Variants in LRRC32 observed in about 807,000 individuals in gnomAD.
LRRC32 encodes the protein transforming growth factor beta activator LRRC32.
A neutral mutation model predicts 15.0 loss-of-function variants in LRRC32; 5 were observed. That is an observed-to-expected ratio of 0.33 (90% CI 0.17 to 0.70). The LOEUF (loss-of-function observed/expected upper bound fraction) is 0.70, where lower values mean the gene tolerates loss of function less well. Ranked by LOEUF, LRRC32 falls within the 30% of genes least tolerant of loss-of-function variation. The pLI, the probability that LRRC32 is intolerant of heterozygous loss-of-function variation, is 0.66. For synonymous variants in LRRC32, 391 were observed against 403.9 expected, an observed-to-expected ratio of 0.97 and a Z score of 0.38; for missense variants, 803 against 854.2, an observed-to-expected ratio of 0.94 and a Z score of 0.75.
rs1029022897 is a variant in LRRC32 at position 76,658,462 on chromosome 11, T to C, written c.*1142A>G. 2.0e-5 allele frequency: 3 copies of C among 152,378 alleles called. No individual in the cohort carries two copies. The highest frequency in any genetic ancestry group is 4.4e-5 in the Non-Finnish European group (3 of 68,130). The allele number at this position is 152,378 out of a possible 1,614,324, so 9.4% of individuals were successfully genotyped here. ...GAGAGCAGGTGTGCACAGCACAGGA[T>C]GCTTCCAGACCCTGCTCGGGCTATG... On this transcript the variant is annotated 3_prime_UTR_variant, in exon 3 of 3. Transcript: ENST00000260061.
chr11:76,669,948 C>A (rs926785307), intron 1 of LRRC32: 1 of 152,482 alleles, frequency 6.6e-6, no homozygotes, highest in African/African-American at 2.4e-5. Context: ...TCCCTCCTCT[C>A]GGCCTCAGCT....
chr11:76,661,265 C>A lies in LRRC32; in HGVS notation c.328G>T (p.Ala110Ser). ...EHLSLAHNRL[A>S]MATALSAGGL... ...CCAGCACTCAGCGCAGTGGCCATCG[C>A]CAGCCGGTTGTGAGCCAGGCTGAGG... The change falls in exon 3 of 3, where the codon GCG becomes TCG. Residue 110 changes from alanine to serine, a missense_variant. Physicochemically the swap from Ala to Ser is moderately conservative, Grantham distance 99 (BLOSUM62 1). Coordinates refer to ENST00000260061, the MANE Select transcript of LRRC32 (RefSeq NM_001128922.2). 6.2e-7 allele frequency: 1 copy of A among 1,614,098 alleles called. No homozygotes were observed. Among genetic ancestry groups the A allele is most frequent in the Admixed American group, 1.7e-5 (1 of 60,032 alleles).
intron 2 of LRRC32, among the ~76,000 whole-genome samples, chr11:76,665,542 C>A (rs1159168573): frequency 1.3e-5 from 2 of 152,180 alleles, no homozygotes; most frequent in African/African-American, 4.8e-5. Context: ...TCTAGATCCC[C>A]TAGCTGGGCC....
rs550989761 is a variant in LRRC32, at chr11:76,661,648, C to A, written c.85-140G>T. 5 of 1,391,408 alleles carry A rather than the reference C, an allele frequency of 3.6e-6. No homozygotes were observed. In the African/African-American group the frequency reaches 5.8e-5, roughly 16 times the overall value. The allele number at this position is 1,391,408 out of a possible 1,614,324, so 86.2% of individuals were successfully genotyped here. Reference sequence around the variant, plus strand: ...CCCAGAATGCTCAACTTTCCCCCACCGCAGCCTGATCACCCCATGCCTGGA... The same window carrying A: ...CCCAGAATGCTCAACTTTCCCCCACAGCAGCCTGATCACCCCATGCCTGGA... On this transcript the variant is annotated intron_variant, in intron 2 of 2. Coordinates refer to ENST00000260061, the MANE Select transcript of LRRC32 (RefSeq NM_001128922.2).
At position 76,661,236 on chromosome 11, in the gene LRRC32, G is replaced by A. The variant is rs149590197; in HGVS notation, c.357C>T (p.Gly119=). 102 of 1,613,796 alleles carry A rather than the reference G, an allele frequency of 6.3e-5. No homozygotes were observed. Among genetic ancestry groups the A allele is most frequent in the Non-Finnish European group, 8.3e-5 (98 of 1,179,934 alleles). Residue 119 remains glycine, a synonymous_variant, in exon 3 of 3, where the codon GGC becomes GGT. Transcript: ENST00000260061. ...AGGTCACGCGTGGCAGGGGGCCCAG[G>A]CCACCAGCACTCAGCGCAGTGGCCA... The part of the protein sequence containing the change: ...LAMATALSAG[G]LGPLPRVTSL...
chr11:76,662,127 T>C (rs1952546351), intron 2 of LRRC32, among the ~76,000 whole-genome samples: 1 of 152,160 alleles, frequency 6.6e-6, no homozygotes, highest in South Asian at 2.1e-4. Flanking sequence ...GCCTTCCTTG[T>C]GGATGCTTCC....
At chr11:76,669,521 A>G (rs966234872) in intron 1 of LRRC32, among the ~76,000 whole-genome samples, 1 of 152,132 alleles carries the variant, frequency 6.6e-6, no homozygotes, top group African/African-American at 2.4e-5. Flanking sequence ...TTTAATTCTC[A>G]CAATCACCTA....
At position 76,670,604 on chromosome 11, in the gene LRRC32, C is replaced by G. The variant is rs1046259400; in HGVS notation, c.-5+10G>C. 2 of 152,116 alleles carry G rather than the reference C, an allele frequency of 1.3e-5. No homozygotes were observed. Among genetic ancestry groups the G allele is most frequent in the African/African-American group, 2.4e-5 (1 of 41,426 alleles). The allele number at this position is 152,116 out of a possible 1,614,324, so 9.4% of individuals were successfully genotyped here. On this transcript the variant is annotated intron_variant, in intron 1 of 2. Coordinates refer to ENST00000260061, the MANE Select transcript of LRRC32 (RefSeq NM_001128922.2). Reference sequence around the variant, plus strand: ...GGGCCGGCCAGCCTCGCCTGCCCGGCGGCTCCTACCTGGCTCAGCGCGGCC... The same window carrying G: ...GGGCCGGCCAGCCTCGCCTGCCCGGGGGCTCCTACCTGGCTCAGCGCGGCC...
intron 2 of LRRC32, chr11:76,663,735 C>T (rs1952577929): frequency 1.3e-5 from 2 of 152,348 alleles, no homozygotes; most frequent in Admixed American, 6.5e-5. Flanking sequence ...TCCTCACAGC[C>T]CTTACCCCCT....
intron 1 of LRRC32, among the ~76,000 whole-genome samples, chr11:76,667,987 A>G (rs903100722): frequency 6.6e-6 from 1 of 152,188 alleles, no homozygotes; most frequent in East Asian, 1.9e-4. Context: ...GTCCTCCCAG[A>G]GCCCCTGAGC....
chr11:76,661,343 C>A lies in LRRC32; in HGVS notation c.250G>T (p.Glu84Ter). ...GCTCCTGGCTGGAGGAAGCTGATCT[C>A]ATTGGTGCTCAGGTCCAGGTGACGA... ...ALRHLDLSTN[E>*]ISFLQPGAFQ... Residue 84 changes from glutamate to a stop codon, truncating the protein, a stop_gained, in exon 3 of 3, where the codon GAG (glutamate) becomes TAG (stop). Transcript: ENST00000260061. LOFTEE classifies it low-confidence loss of function (END_TRUNC). 6.2e-7 allele frequency: 1 copy of A among 1,614,186 alleles called. No homozygotes were observed. Among genetic ancestry groups the A allele is most frequent in the Non-Finnish European group, 8.5e-7 (1 of 1,180,006 alleles).
At chr11:76,668,232 C>CT (rs1952656638) in intron 1 of LRRC32, among the ~76,000 whole-genome samples, 8 of 152,180 alleles carry the variant, frequency 5.3e-5, no homozygotes, top group Non-Finnish European at 1.2e-4. Flanking sequence ...CCCATCCATG[C>CT]CGTCAGTGGG....
Position 76,660,281 on chromosome 11 carries a change from C to T in LRRC32, c.1312G>A (p.Ala438Thr), listed in dbSNP as rs1952492714. Reference sequence around the variant, plus strand: ...CGGAGGGAGGTGATGCCGGAGAAGGCCACACAGCCGGAGGGGCCAGGCTCA... The same window carrying T: ...CGGAGGGAGGTGATGCCGGAGAAGGTCACACAGCCGGAGGGGCCAGGCTCA... ...PDEPGPSGCV[A>T]FSGITSLRSL... is the part of the protein sequence containing the mutation. Residue 438 changes from alanine to threonine, a missense_variant, in exon 3 of 3, where the codon GCC becomes ACC. Ala to Thr is a moderately conservative substitution (Grantham distance 58). Coordinates refer to ENST00000260061, the MANE Select transcript of LRRC32 (RefSeq NM_001128922.2). The T allele has an allele frequency of 7.6e-6, 12 of 1,580,520 alleles. No individual in the cohort carries two copies. The highest frequency in any genetic ancestry group is 9.4e-6 in the Non-Finnish European group (11 of 1,165,466).
chr11:76,670,417 CG>C (rs1401287506), intron 1 of LRRC32, among the ~76,000 whole-genome samples, 196 bp downstream of exon 1: 2 of 152,210 alleles, frequency 1.3e-5, no homozygotes, highest in African/African-American at 4.8e-5. Context: ...GGGAAAGATC[CG>C]CCAAGACAGG....
At chr11:76,661,603 G>A in intron 2 of LRRC32, 95 bp from the exon 3 acceptor site, 1 of 1,457,388 alleles carries the variant, frequency 6.9e-7, no homozygotes, top group Non-Finnish European at 9.0e-7. Flanking sequence ...CCTGGCTGGG[G>A]AACCCTTCTC....
chr11:76,658,595 GC>G lies in LRRC32; in HGVS notation c.*1008del, dbSNP rs1590761190. The G allele has an allele frequency of 6.6e-6, 1 of 152,442 alleles. No homozygotes were observed. Among genetic ancestry groups the G allele is most frequent in the African/African-American group, 2.4e-5 (1 of 41,460 alleles). 9.4% of individuals were successfully genotyped at this position (152,442 alleles called of 1,614,324 possible). On this transcript the variant is annotated 3_prime_UTR_variant, in exon 3 of 3. Coordinates refer to ENST00000260061, the MANE Select transcript of LRRC32 (RefSeq NM_001128922.2). ...TGAATCTCACCTATGGCATTAGTTAGCTGGGGCCCTGGAAGGAGATTTTCAG... is the reference window on the plus strand; with the variant it reads ...TGAATCTCACCTATGGCATTAGTTAGTGGGGCCCTGGAAGGAGATTTTCAG...
chr11:76,659,904 G>A lies in LRRC32; in HGVS notation c.1689C>T (p.Leu563=). The change falls in exon 3 of 3, where the codon CTC becomes CTT. Residue 563 remains leucine (L), a synonymous_variant. Transcript: ENST00000260061. The stretch of plus-strand genomic sequence containing the variant: ...GATTCCCCTGCAGGTAGAGGCGCCG[G>A]AGGCTGGTCTCCAGGCCACCCATGG... The part of the protein sequence containing the change: ...GSAMGGLETS[L]RRLYLQGNPL... 1.2e-6 allele frequency: 2 copies of A among 1,613,644 alleles called. No homozygotes were observed. Among genetic ancestry groups the A allele is most frequent in the Non-Finnish European group, 1.7e-6 (2 of 1,179,914 alleles).
At position 76,657,948 on chromosome 11, in the gene LRRC32, G is replaced by C. The variant is rs1022493147; in HGVS notation, c.*1656C>G. 3 of 152,398 alleles carry C rather than the reference G, an allele frequency of 2.0e-5. No individual in the cohort carries two copies. The East Asian group carries it at 5.6e-4, about 29-fold the overall frequency. The allele number at this position is 152,398 out of a possible 1,614,324, so 9.4% of individuals were successfully genotyped here. A position where few individuals can be genotyped will look rare whatever the true frequency, so the allele number is the denominator to read the frequency against. On this transcript the variant is annotated 3_prime_UTR_variant, in exon 3 of 3. Transcript: ENST00000260061. ...GATGAAGACAGCAAAACAAGGTCTT[G>C]AGTTGGTCCCAGCACGTCCATTCTT...
rs887852868 is a variant in LRRC32 at position 76,657,832 on chromosome 11, A to C, written c.*1772T>G. 1 of 152,370 alleles carries C rather than the reference A, an allele frequency of 6.6e-6. No individual in the cohort carries two copies. The highest frequency in any genetic ancestry group is 1.5e-5 in the Non-Finnish European group (1 of 68,080). 9.4% of individuals were successfully genotyped at this position (152,370 alleles called of 1,614,324 possible). A position where few individuals can be genotyped will look rare whatever the true frequency, so the allele number is the denominator to read the frequency against. Reference sequence around the variant, plus strand: ...TCTGGGCCTTGGTGTTCTCCTCTGTAAAATGGGGTGGAGAGAGTGGCATTT... The same window carrying C: ...TCTGGGCCTTGGTGTTCTCCTCTGTCAAATGGGGTGGAGAGAGTGGCATTT... On this transcript the variant is annotated 3_prime_UTR_variant, in exon 3 of 3. Transcript: ENST00000260061.
Sources: allele counts gnomAD v4.1 joint callset (sites outside exome capture counted in the v4.1 genomes callset), GRCh38; gene constraint gnomAD v4.1.1; transcripts MANE v1.5; gene names NCBI Gene and HGNC (gene_info 2026-07-23, HGNC 2026-07-21).